Variants in RERE observed in about 807,000 individuals in gnomAD.
RERE encodes arginine-glutamic acid dipeptide repeats protein.
Under a neutral mutation model 146.1 loss-of-function variants are expected in RERE, and 40 were observed. That is an observed-to-expected ratio of 0.27 (90% CI 0.21 to 0.36). The LOEUF is 0.36. Ranked by LOEUF, RERE falls within the 10% of genes least tolerant of loss-of-function variation. RERE has a pLI of 1.00. For missense variants in RERE, 1,933 were observed against 2,138.7 expected, an observed-to-expected ratio of 0.90 and a Z score of 1.90; for synonymous variants, 1,003 against 866.0, an observed-to-expected ratio of 1.16 and a Z score of -2.78.
intron 1 of RERE, among the ~76,000 whole-genome samples, chr1:8,745,526 T>C (rs1322575228): frequency 6.6e-6 from 1 of 152,178 alleles, no homozygotes; most frequent in Non-Finnish European, 1.5e-5. Context: ...CAGACCACCG[T>C]TGGCCTAGGT....
intron 11 of RERE, among the ~76,000 whole-genome samples, chr1:8,437,322 A>G (rs374900040): frequency 1.3e-5 from 2 of 152,302 alleles, no homozygotes; most frequent in African/African-American, 4.8e-5. Flanking sequence ...AAGAAAGGAA[A>G]ATCAATGACC....
At chr1:8,809,137 TAAAAAAAAAAA>T (rs58263107) in intron 1 of RERE, among the ~76,000 whole-genome samples, 4 of 95,062 alleles carry the variant, frequency 4.2e-5, no homozygotes, top group Admixed American at 1.1e-4. Flanking sequence ...GACTTTGTCT[TAAAAAAAAAAA>T]AAAAAAAAAA....
rs548075266 is a variant in RERE, at chr1:8,559,280, C to CAAAAAAAAAAAA, written c.523-1769_523-1758dup. Among the ~76,000 whole-genome samples the CAAAAAAAAAAAA allele has an allele frequency of 5.5e-3, 66 of 12,068 alleles. 7 individuals are homozygous for CAAAAAAAAAAAA. Among genetic ancestry groups the CAAAAAAAAAAAA allele is most frequent in the East Asian group, 0.014 (2 of 140 alleles). The allele number at this position is 12,068 out of a possible 152,430, so 7.9% of individuals were successfully genotyped here. A position where few individuals can be genotyped will look rare whatever the true frequency, so the allele number is the denominator to read the frequency against. On this transcript the variant is annotated intron_variant, in intron 4 of 22. Coordinates refer to ENST00000400908, the MANE Select transcript of RERE (RefSeq NM_001042681.2). ...GGGCAACAAGAGCAAAACTCCAGCT[C>CAAAAAAAAAAAA]AAAAAAAAAAAAAAAAAAAAAAAAC...
At chr1:8,498,790 T>TG (rs1645087217) in intron 8 of RERE, among the ~76,000 whole-genome samples, 3 of 143,976 alleles carry the variant, frequency 2.1e-5, no homozygotes, top group Non-Finnish European at 4.5e-5. Context: ...AATTGACCTG[T>TG]GGTAACAGAA....
At chr1:8,598,990 A>G (rs1401239844) in intron 4 of RERE, among the ~76,000 whole-genome samples, 1 of 152,206 alleles carries the variant, frequency 6.6e-6, no homozygotes, top group Non-Finnish European at 1.5e-5. Context: ...CCCCCAGCAG[A>G]CTGCAATTGT....
intron 12 of RERE, among the ~76,000 whole-genome samples, chr1:8,408,551 T>C (rs1402811935): frequency 6.6e-6 from 1 of 152,106 alleles, no homozygotes; most frequent in African/African-American, 2.4e-5. Flanking sequence ...TGTTTCGCAC[T>C]GAAGTCTCTG....
At chr1:8,586,519 TATTCTGCTTAGAAAAATGCATC>T (rs1646430172) in intron 4 of RERE, among the ~76,000 whole-genome samples, 1 of 152,208 alleles carries the variant, frequency 6.6e-6, no homozygotes, top group South Asian at 2.1e-4. Flanking sequence ...AGCTCACCTG[TATTCTGCTTAGAAAAATGCATC>T]AACTAAAGCT....
At chr1:8,661,569 T>C (rs1340605531) in intron 1 of RERE, among the ~76,000 whole-genome samples, 1 of 152,052 alleles carries the variant, frequency 6.6e-6, no homozygotes, top group Non-Finnish European at 1.5e-5. Context: ...TGGGAAGGGC[T>C]GGGGTAGTAG....
chr1:8,474,737 C>T (rs1016962951), intron 10 of RERE, among the ~76,000 whole-genome samples: 6 of 152,180 alleles, frequency 3.9e-5, no homozygotes, highest in African/African-American at 1.2e-4. Flanking sequence ...TCCCTTTTCC[C>T]GTGACCTTTT....
At chr1:8,557,219 T>C (rs1344190962) in intron 5 of RERE, among the ~76,000 whole-genome samples, 199 bp downstream of exon 5, 1 of 152,142 alleles carries the variant, frequency 6.6e-6, no homozygotes, top group Non-Finnish European at 1.5e-5. Flanking sequence ...TCAACCTCAG[T>C]TTCCTCATCT....
At chr1:8,674,840 T>C (rs1638798664) in intron 1 of RERE, among the ~76,000 whole-genome samples, 1 of 152,194 alleles carries the variant, frequency 6.6e-6, no homozygotes, top group African/African-American at 2.4e-5. Flanking sequence ...CGTAAGCATA[T>C]ACTGAAGAAC....
chr1:8,639,613 G>A (rs1647149412), intron 2 of RERE, among the ~76,000 whole-genome samples: 1 of 152,192 alleles, frequency 6.6e-6, no homozygotes, highest in African/African-American at 2.4e-5. Flanking sequence ...TGCTAACAGA[G>A]TAATTACCAG....
intron 7 of RERE, among the ~76,000 whole-genome samples, chr1:8,509,033 G>C (rs773295219): frequency 2.0e-5 from 3 of 152,144 alleles, no homozygotes; most frequent in Non-Finnish European, 2.9e-5. Flanking sequence ...TCCTGCCTCA[G>C]CCTCCAGAGT....
chr1:8,630,405 A>T (rs1023619895), intron 2 of RERE, among the ~76,000 whole-genome samples: 1 of 149,362 alleles, frequency 6.7e-6, no homozygotes, highest in African/African-American at 2.5e-5. Flanking sequence ...GACATGGTTT[A>T]AAAAAAAAAG....
chr1:8,362,587 T>C (rs1048349227), intron 16 of RERE, 96 bp downstream of exon 16: 9 of 1,475,512 alleles, frequency 6.1e-6, no homozygotes, highest in Non-Finnish European at 7.5e-6. Context: ...ATGAGCTGCA[T>C]CCTCGTGTCT....
intron 4 of RERE, among the ~76,000 whole-genome samples, chr1:8,588,786 T>C (rs762096355): frequency 3.9e-5 from 6 of 152,194 alleles, no homozygotes; most frequent in Non-Finnish European, 8.8e-5. Flanking sequence ...ACATCTTCCA[T>C]AGTGATCCCC....
intron 12 of RERE, among the ~76,000 whole-genome samples, chr1:8,370,038 C>T (rs1641977034): frequency 6.6e-6 from 1 of 152,030 alleles, no homozygotes; most frequent in Non-Finnish European, 1.5e-5. Flanking sequence ...TATTTGCCTG[C>T]CTCGGCCTCC....
At chr1:8,632,856 A>G (rs1647050571) in intron 2 of RERE, among the ~76,000 whole-genome samples, 1 of 152,270 alleles carries the variant, frequency 6.6e-6, no homozygotes, top group Non-Finnish European at 1.5e-5. Context: ...CCAAAATGTC[A>G]GAAAATAAAA....
intron 8 of RERE, among the ~76,000 whole-genome samples, chr1:8,503,879 T>C (rs1311330573): frequency 1.3e-5 from 2 of 152,318 alleles, no homozygotes; most frequent in South Asian, 2.1e-4. Flanking sequence ...CATGTGATTA[T>C]TGCTATTCTG....
Sources: allele counts gnomAD v4.1 joint callset (sites outside exome capture counted in the v4.1 genomes callset), GRCh38; gene constraint gnomAD v4.1.1; transcripts MANE v1.5; gene names NCBI Gene and HGNC (gene_info 2026-07-23, HGNC 2026-07-21).